Variants in OR8B2 observed in about 807,000 individuals in gnomAD.
The protein encoded by OR8B2 is olfactory receptor 8B2.
For missense variants in OR8B2, 304 were observed against 379.6 expected, an observed-to-expected ratio of 0.80 and a Z score of 1.65; for synonymous variants, 98 against 138.2, an observed-to-expected ratio of 0.71 and a Z score of 2.04.
At chr11:124,387,455 C>T (rs1308634839), upstream of OR8B2, among the ~76,000 whole-genome samples, 1 of 151,752 alleles carries the variant, frequency 6.6e-6, no homozygotes, top group East Asian at 1.9e-4. Flanking sequence ...AGGAAGGGAT[C>T]CAGTTTCAGC....
At chr11:124,385,262 G>T (rs1860680100), upstream of OR8B2, among the ~76,000 whole-genome samples, 1 of 152,060 alleles carries the variant, frequency 6.6e-6, no homozygotes, top group Non-Finnish European at 1.5e-5. Flanking sequence ...TTCCCGGTAG[G>T]TAGGAATTTG....
At chr11:124,396,214 C>A in the OR8B2 span, 2 of 555,010 alleles carry the variant, frequency 3.6e-6, no homozygotes, top group South Asian at 2.8e-5. Context: ...ATGCCATGAC[C>A]TATTTAGTAA....
Position 124,383,264 on chromosome 11 carries a change from A to C in OR8B2, c.80T>G (p.Leu27Arg), listed in dbSNP as rs1476707811. 4 of 1,613,996 alleles carry C rather than the reference A, an allele frequency of 2.5e-6. No individual in the cohort carries two copies. In the Admixed American group the frequency reaches 5.0e-5, roughly 20 times the overall value. ...GTAGATCACTAGAAACAGGAAAAAG[A>C]GGGGTTGCCGGAACTCTGGATGATC... ...LTDHPEFRQP[L>R]FFLFLVIYIV... Residue 27 changes from leucine to arginine, a missense_variant, in exon 2 of 2, where the codon CTC becomes CGC. Coordinates refer to ENST00000641451, the MANE Select transcript of OR8B2 (RefSeq NM_001005468.2).
At chr11:124,395,738 C>G in the OR8B2 span, 1 of 152,194 alleles carries the variant, frequency 6.6e-6, no homozygotes, top group African/African-American at 2.4e-5. Flanking sequence ...TTTCTCTAAT[C>G]ATCCTCTGTA....
At chr11:124,392,472 GACAA>G in the OR8B2 span, among the ~76,000 whole-genome samples, 2 of 93,796 alleles carry the variant, frequency 2.1e-5, no homozygotes, top group Admixed American at 2.1e-4. Context: ...ACCAATAACA[GACAA>G]ACAGAGAGCC....
At chr11:124,396,245 A>T in the OR8B2 span, 13 of 667,738 alleles carry the variant, frequency 1.9e-5, no homozygotes, top group African/African-American at 1.1e-4. Flanking sequence ...AGTGCCAGAG[A>T]TGCAAAACCA....
At chr11:124,391,329 G>T in the OR8B2 span, among the ~76,000 whole-genome samples, 1 of 151,350 alleles carries the variant, frequency 6.6e-6, no homozygotes, top group Non-Finnish European at 1.5e-5. Context: ...TCCAGGAGCT[G>T]GTTTTTTGAA....
chr11:124,393,835 G>T, the OR8B2 span, among the ~76,000 whole-genome samples: 1 of 150,954 alleles, frequency 6.6e-6, no homozygotes, highest in African/African-American at 2.5e-5. Context: ...ATTCACAATA[G>T]CAAAGACTTG....
chr11:124,384,644 C>G (rs1194919349), upstream of OR8B2, among the ~76,000 whole-genome samples: 1 of 151,988 alleles, frequency 6.6e-6, no homozygotes, highest in Non-Finnish European at 1.5e-5. Context: ...TGTCCACCGT[C>G]ATAGAGACAT....
upstream of OR8B2, among the ~76,000 whole-genome samples, chr11:124,387,390 A>G (rs571976651): frequency 1.7e-3 from 263 of 152,214 alleles, 2 homozygotes; most frequent in Admixed American, 5.8e-3. Flanking sequence ...TTATGGTTTT[A>G]GGTCTCACAT....
the OR8B2 span, among the ~76,000 whole-genome samples, chr11:124,391,384 A>C: frequency 4.6e-5 from 7 of 151,572 alleles, no homozygotes; most frequent in South Asian, 2.1e-4. Context: ...TAATAAAGAA[A>C]AAAAGAGAGA....
the OR8B2 span, among the ~76,000 whole-genome samples, chr11:124,394,953 G>A: frequency 6.6e-6 from 1 of 152,120 alleles, no homozygotes; most frequent in African/African-American, 2.4e-5. Flanking sequence ...TGTAATCCCA[G>A]CACTTTGGGA....
chr11:124,395,611 G>T, the OR8B2 span: 1 of 152,140 alleles, frequency 6.6e-6, no homozygotes, highest in Non-Finnish European at 1.5e-5. Context: ...AACATTTACA[G>T]TAGGAACTAC....
chr11:124,384,153 C>T (rs659558), intron 1 of OR8B2, among the ~76,000 whole-genome samples: 2 of 149,256 alleles, frequency 1.3e-5, no homozygotes, highest in Non-Finnish European at 3.0e-5. Flanking sequence ...AGAGACAAAT[C>T]TCCTTTCCTG....
Position 124,382,506 on chromosome 11 carries a change from C to G in OR8B2, c.838G>C (p.Val280Leu). Residue 280 changes from valine to leucine, a missense_variant, in exon 2 of 2, where the codon GTG becomes CTG. Transcript: ENST00000641451. ...ATGAGGGGATTGAGCATGGGCACCACATTAGTGTAGAAAACAGAAGAAACT... is the reference window on the plus strand; with the variant it reads ...ATGAGGGGATTGAGCATGGGCACCAGATTAGTGTAGAAAACAGAAGAAACT... ...GKVSSVFYTN[V>L]VPMLNPLIYS... is the part of the protein sequence containing the mutation. The G allele has an allele frequency of 1.9e-6, 3 of 1,614,002 alleles. No individual in the cohort carries two copies. The highest frequency in any genetic ancestry group is 2.5e-6 in the Non-Finnish European group (3 of 1,179,976).
At chr11:124,388,827 C>CTTTT (rs145400784), upstream of OR8B2, among the ~76,000 whole-genome samples, 6 of 129,864 alleles carry the variant, frequency 4.6e-5, no homozygotes, top group African/African-American at 8.5e-5. Context: ...GTGTGAAATT[C>CTTTT]TTTTTTTTTT....
chr11:124,383,386 T>C, intron 1 of OR8B2, 26 bp from the exon 2 acceptor site: 1 of 1,502,160 alleles, frequency 6.7e-7, no homozygotes, highest in Non-Finnish European at 9.0e-7. Context: ...AAAATTCTAT[T>C]AGGAACACAG....
upstream of OR8B2, among the ~76,000 whole-genome samples, chr11:124,388,881 C>G (rs1299181850): frequency 1.4e-5 from 2 of 145,734 alleles, no homozygotes; most frequent in Non-Finnish European, 3.0e-5. Context: ...GGCTGGAGTG[C>G]AGTGGAGTGA....
chr11:124,393,952 G>A, the OR8B2 span, among the ~76,000 whole-genome samples: 1 of 151,232 alleles, frequency 6.6e-6, no homozygotes, highest in Admixed American at 6.6e-5. Context: ...CATGTCCTTT[G>A]TAGGGACATG....
Sources: gnomAD v4.1 joint callset for allele counts (sites outside exome capture counted in the v4.1 genomes callset) on GRCh38, gnomAD v4.1.1 for gene constraint, MANE v1.5 for transcripts, NCBI Gene and HGNC (gene_info 2026-07-23, HGNC 2026-07-21) for gene names.